The following SEC14L5 variants were observed in gnomAD, a reference collection of about 807,000 sequenced individuals.
SEC14L5 encodes SEC14 like lipid binding 5.
In SEC14L5, 96 loss-of-function variants were observed where a neutral mutation model predicts 84.6. The ratio of observed to expected loss-of-function variants is 1.13; its 90% CI spans 0.96 to 1.34. SEC14L5 has a LOEUF of 1.34. Among genes scored for constraint, SEC14L5 ranks in the 40% most tolerant of loss-of-function variants. The probability of loss-of-function intolerance (pLI) is 0.00; values close to 1 mark genes in which losing one functional copy is unlikely to be tolerated. For missense variants in SEC14L5, 1,224 were observed against 942.5 expected (o/e 1.30, Z -3.91); for synonymous variants, 546 against 383.4 (o/e 1.42, Z -4.95).
intron 2 of SEC14L5, among the ~76,000 whole-genome samples, chr16:4,971,370 G>T (rs1481377242): frequency 6.6e-6 from 1 of 152,000 alleles, no homozygotes; most frequent in Non-Finnish European, 1.5e-5. Context: ...GAGGCAGGAG[G>T]ATCAGTGGAG....
chr16:5,006,272 T>A lies in SEC14L5; in HGVS notation c.1437+224T>A, dbSNP rs192275675. ...TTCTGAGGTTGGGCCTTACTCTGGG[T>A]CCTTCAAACATAGTGAGTGAGATAG... On this transcript the variant is annotated intron_variant, in intron 12 of 15. Coordinates refer to ENST00000251170, the MANE Select transcript of SEC14L5 (RefSeq NM_014692.2). Among the ~76,000 whole-genome samples, 335 of 152,324 alleles carry A rather than the reference T, an allele frequency of 2.2e-3. 1 individual carries two copies. The highest frequency in any genetic ancestry group is 7.4e-3 in the African/African-American group (308 of 41,578).
In SEC14L5 at chr16:5,008,518, C is replaced by T. The variant is rs369642308; in HGVS notation, c.1670C>T (p.Ala557Val). 8.5e-5 allele frequency: 137 copies of T among 1,610,032 alleles called. 1 individual carries two copies. The East Asian group carries it at 2.1e-3, about 25-fold the overall frequency. Residue 557 changes from alanine (A) to valine (V), a missense_variant, in exon 14 of 16, where the codon GCG becomes GTG. Physicochemically the swap from Ala to Val is moderately conservative, Grantham distance 64. Transcript: ENST00000251170. ...TTCAGCCTGTACCACACCAAGCAGG[C>T]GCCCAGGCTGGGCGCCCGGGAACCG... Reference protein sequence around the residue: ...VVFSLYHTKQAPRLGAREPGT... With the variant: ...VVFSLYHTKQVPRLGAREPGT...
intron 2 of SEC14L5, among the ~76,000 whole-genome samples, chr16:4,959,904 C>T (rs921668470): frequency 6.6e-6 from 1 of 152,152 alleles, no homozygotes; most frequent in Admixed American, 6.6e-5. Flanking sequence ...GGGCTGAGAT[C>T]CCCACAAAGG....
intron 2 of SEC14L5, among the ~76,000 whole-genome samples, chr16:4,963,356 T>G (rs186288629): frequency 3.7e-4 from 56 of 152,346 alleles, no homozygotes; most frequent in African/African-American, 1.3e-3. Flanking sequence ...ACTATTTTTT[T>G]TTTAAGATGG....
chr16:4,995,971 A>G (rs1484386907), intron 6 of SEC14L5, among the ~76,000 whole-genome samples: 1 of 152,106 alleles, frequency 6.6e-6, no homozygotes, highest in Non-Finnish European at 1.5e-5. Context: ...CCTGCCTCAC[A>G]GGGGTGTGGA....
chr16:4,987,453 C>A, intron 2 of SEC14L5, 104 bp from the exon 3 acceptor site: 1 of 1,000,088 alleles, frequency 1.0e-6, no homozygotes, highest in Non-Finnish European at 1.4e-6. Flanking sequence ...GCCAGGGCTG[C>A]CTTTCCCGTC....
intron 2 of SEC14L5, among the ~76,000 whole-genome samples, 195 bp downstream of exon 2, chr16:4,959,581 A>C (rs1171100973): frequency 6.6e-6 from 1 of 152,030 alleles, no homozygotes; most frequent in Non-Finnish European, 1.5e-5. Context: ...CAGTGACCAA[A>C]ACACAAAGTC....
At chr16:4,990,585 T>C (rs1231157415) in intron 4 of SEC14L5, among the ~76,000 whole-genome samples, 182 bp from the exon 5 acceptor site, 2 of 152,248 alleles carry the variant, frequency 1.3e-5, no homozygotes, top group African/African-American at 2.4e-5. Flanking sequence ...CCCTGACAGT[T>C]TGAACTTTGC....
At chr16:4,971,518 C>T (rs951435351) in intron 2 of SEC14L5, among the ~76,000 whole-genome samples, 2 of 152,166 alleles carry the variant, frequency 1.3e-5, no homozygotes, top group African/African-American at 2.4e-5. Context: ...CCCTCTCCAG[C>T]TTTGTTGTTC....
chr16:4,990,426 G>A (rs950989599), intron 4 of SEC14L5, among the ~76,000 whole-genome samples: 1 of 152,234 alleles, frequency 6.6e-6, no homozygotes, highest in African/African-American at 2.4e-5. Flanking sequence ...GGCTCCCAAA[G>A]TGCTCGGATT....
In SEC14L5 at chr16:5,016,974, A is replaced by T. The variant is rs1955881535; in HGVS notation, c.*2004A>T. Reference sequence around the variant, plus strand: ...TCTCAAAACTAATTGCTCCCATATCACCAGGCATTTATTGCTGAGAGCAAC... The same window carrying T: ...TCTCAAAACTAATTGCTCCCATATCTCCAGGCATTTATTGCTGAGAGCAAC... On this transcript the variant is annotated 3_prime_UTR_variant, in exon 16 of 16. Coordinates refer to ENST00000251170, the MANE Select transcript of SEC14L5 (RefSeq NM_014692.2). The T allele has an allele frequency of 2.0e-5, 3 of 152,214 alleles. No individual in the cohort carries two copies. The highest frequency in any genetic ancestry group is 1.3e-4 in the Admixed American group (2 of 15,284). The allele number at this position is 152,214 out of a possible 1,614,324, so 9.4% of individuals were successfully genotyped here.
At chr16:4,976,059 T>C (rs1294194613) in intron 2 of SEC14L5, among the ~76,000 whole-genome samples, 2 of 152,180 alleles carry the variant, frequency 1.3e-5, no homozygotes, top group Non-Finnish European at 2.9e-5. Flanking sequence ...TTAGCAGAAA[T>C]AGCTTTTTGT....
rs1054397524 is a variant in SEC14L5, at chr16:5,017,779, C to T, written c.*2809C>T. 1 of 151,842 alleles carries T rather than the reference C, an allele frequency of 6.6e-6. No individual in the cohort carries two copies. Among genetic ancestry groups the T allele is most frequent in the African/African-American group, 2.4e-5 (1 of 41,304 alleles). The allele number at this position is 151,842 out of a possible 1,614,324, so 9.4% of individuals were successfully genotyped here. ...CCTCCCATGTGGAGGTCTCGGGGACCCACGTGGAAGCATTATCAAGGTCAT... is the reference window on the plus strand; with the variant it reads ...CCTCCCATGTGGAGGTCTCGGGGACTCACGTGGAAGCATTATCAAGGTCAT... On this transcript the variant is annotated 3_prime_UTR_variant, in exon 16 of 16. Coordinates refer to ENST00000251170, the MANE Select transcript of SEC14L5 (RefSeq NM_014692.2).
chr16:4,978,857 T>A (rs1043463198), intron 2 of SEC14L5, among the ~76,000 whole-genome samples: 3 of 152,180 alleles, frequency 2.0e-5, no homozygotes, highest in Non-Finnish European at 4.4e-5. Context: ...CGCCTTGGCC[T>A]CCCAAAGTGC....
At position 4,990,841 on chromosome 16, in the gene SEC14L5, T is replaced by C; in HGVS notation, c.420T>C (p.Phe140=). The C allele has an allele frequency of 6.2e-7, 1 of 1,611,850 alleles. No homozygotes were observed. Among genetic ancestry groups the C allele is most frequent in the South Asian group, 1.1e-5 (1 of 90,764 alleles). The change falls in exon 5 of 16, where the codon TTT becomes TTC. Residue 140 remains phenylalanine, a synonymous_variant. Coordinates refer to ENST00000251170, the MANE Select transcript of SEC14L5 (RefSeq NM_014692.2). The stretch of plus-strand genomic sequence containing the variant: ...TGGACATTCGGTCTTTCTTTGGCTT[T>C]GAAAATGCCTTGGAGAAGATCGCCA... The part of the protein sequence containing the change: ...ASLDIRSFFG[F]ENALEKIAMK...
chr16:4,993,269 T>C (rs1955571910), intron 6 of SEC14L5, among the ~76,000 whole-genome samples: 1 of 152,240 alleles, frequency 6.6e-6, no homozygotes, highest in Non-Finnish European at 1.5e-5. Context: ...TGAAGTGGAG[T>C]CTCACTGTGT....
At chr16:4,974,429 C>A (rs1955315610) in intron 2 of SEC14L5, among the ~76,000 whole-genome samples, 1 of 151,944 alleles carries the variant, frequency 6.6e-6, no homozygotes, top group African/African-American at 2.4e-5. Context: ...GTCTTGAACG[C>A]CTGGGCTTAA....
rs757729589 is a variant in SEC14L5, at chr16:5,011,167, G to T, written c.1873G>T (p.Ala625Ser). Residue 625 changes from alanine to serine, a missense_variant, in exon 15 of 16, where the codon GCC becomes TCC. Physicochemically the swap from Ala to Ser is moderately conservative, Grantham distance 99. Transcript: ENST00000251170. ...AATGCACAGCCCCCCCAGCAGCGTGGCCTGCAGCCTCCCGGGTGTGGACGA... is the reference window on the plus strand; with the variant it reads ...AATGCACAGCCCCCCCAGCAGCGTGTCCTGCAGCCTCCCGGGTGTGGACGA... ...WQMHSPPSSV[A>S]CSLPGVDDVL... 6 of 1,613,276 alleles carry T rather than the reference G, an allele frequency of 3.7e-6. No individual in the cohort carries two copies. In the East Asian group the frequency reaches 1.3e-4, roughly 36 times the overall value.
intron 2 of SEC14L5, among the ~76,000 whole-genome samples, chr16:4,977,730 C>T: frequency 6.6e-6 from 1 of 151,950 alleles, no homozygotes; most frequent in East Asian, 1.9e-4. Context: ...TCCCTGGTCC[C>T]TTCTAGGTAA....
Sources: allele counts gnomAD v4.1 joint callset (sites outside exome capture counted in the v4.1 genomes callset), GRCh38; gene constraint gnomAD v4.1.1; transcripts MANE v1.5; gene names NCBI Gene and HGNC (gene_info 2026-07-23, HGNC 2026-07-21).